Variants in PPP6R1 observed in about 807,000 individuals in gnomAD.
PPP6R1 encodes serine/threonine-protein phosphatase 6 regulatory subunit 1.
PPP6R1 carries 39 observed loss-of-function variants against 104.6 expected under a neutral mutation model. The ratio of observed to expected loss-of-function variants is 0.37; its 90% CI spans 0.29 to 0.49. The LOEUF is 0.49. PPP6R1 is among the 20% of genes least tolerant of loss of function. PPP6R1 has a pLI of 0.98. For missense variants in PPP6R1, 1,181 were observed against 1,155.8 expected (o/e 1.02, Z -0.32); for synonymous variants, 549 against 479.0 (o/e 1.15, Z -1.91).
intron 1 of PPP6R1, among the ~76,000 whole-genome samples, chr19:55,257,738 T>C (rs375567724): frequency 1.3e-3 from 195 of 152,324 alleles, no homozygotes; most frequent in African/African-American, 4.5e-3. Context: ...ATTGTGACTG[T>C]CCGGCTCTGC....
chr19:55,258,401 G>GGA, intron 1 of PPP6R1, 34 bp downstream of exon 1: 1 of 152,026 alleles, frequency 6.6e-6, no homozygotes. Context: ...GCCTGGCCCT[G>GGA]GAGAGAGAGG....
At chr19:55,256,109 C>T (rs916874519) in intron 1 of PPP6R1, among the ~76,000 whole-genome samples, 2 of 152,234 alleles carry the variant, frequency 1.3e-5, no homozygotes, top group Admixed American at 6.5e-5. Context: ...GGGGACCAGA[C>T]AAGCAGGTTC....
At chr19:55,239,545 A>T in intron 14 of PPP6R1, 43 bp from the exon 15 acceptor site, 1 of 1,609,234 alleles carries the variant, frequency 6.2e-7, no homozygotes, top group Admixed American at 1.7e-5. Flanking sequence ...GTTGGGCAGG[A>T]CCCCACTCCA....
rs903451493 is a variant in PPP6R1, at chr19:55,241,817, G to C, written c.846-178C>G. ...CCTGGCTGGGGTGGGGAGCCCGCCA[G>C]GCGGCAGCATTGGCAGTCCACTGTG... On this transcript the variant is annotated intron_variant, in intron 7 of 23. Coordinates refer to ENST00000412770, the MANE Select transcript of PPP6R1 (RefSeq NM_014931.4). This position sits in a 1 kb window ranked among gnomAD's most constrained non-coding sequence, Gnocchi z 5.4. Among the ~76,000 whole-genome samples the C allele has an allele frequency of 2.6e-5, 4 of 152,220 alleles. No homozygotes were observed. Among genetic ancestry groups the C allele is most frequent in the Non-Finnish European group, 4.4e-5 (3 of 68,036 alleles).
intron 5 of PPP6R1, among the ~76,000 whole-genome samples, chr19:55,244,057 T>A (rs757731759): frequency 1.3e-5 from 2 of 152,144 alleles, no homozygotes; most frequent in Non-Finnish European, 2.9e-5. Flanking sequence ...AATTTACATC[T>A]CAGTAAAGCT....
At chr19:55,243,562 G>A (rs927234004) in intron 5 of PPP6R1, among the ~76,000 whole-genome samples, 2 of 152,142 alleles carry the variant, frequency 1.3e-5, no homozygotes, top group Non-Finnish European at 1.5e-5. Flanking sequence ...CTGTTCATGA[G>A]GCAGAGGCAG....
Position 55,245,476 on chromosome 19 carries a change from G to A in PPP6R1, c.414+16C>T, listed in dbSNP as rs2087499789. 6.2e-7 allele frequency: 1 copy of A among 1,609,960 alleles called. No individual in the cohort carries two copies. The highest frequency in any genetic ancestry group is 1.3e-5 in the African/African-American group (1 of 74,884). ...CCCCTCAACCCACGGTGGCGCCAGGGTGGGGGCCAGGGCACCTGGTCTGTC... is the reference window on the plus strand; with the variant it reads ...CCCCTCAACCCACGGTGGCGCCAGGATGGGGGCCAGGGCACCTGGTCTGTC... On this transcript the variant is annotated intron_variant, in intron 3 of 23. Coordinates refer to ENST00000412770, the MANE Select transcript of PPP6R1 (RefSeq NM_014931.4). The surrounding 1 kb of genome is among the most constrained non-coding windows in gnomAD (Gnocchi z 6.4).
Position 55,245,795 on chromosome 19 carries a change from C to T in PPP6R1, c.228-117G>A, listed in dbSNP as rs1460045519. Reference sequence around the variant, plus strand: ...GGGTTTCTGGGAACTGCAGAGACCCCTGTCCAGGAAGGGGAAAGGGCAGAG... The same window carrying T: ...GGGTTTCTGGGAACTGCAGAGACCCTTGTCCAGGAAGGGGAAAGGGCAGAG... On this transcript the variant is annotated intron_variant, in intron 2 of 23. Transcript: ENST00000412770. This position sits in a 1 kb window ranked among gnomAD's most constrained non-coding sequence, Gnocchi z 6.4. 13 of 859,870 alleles carry T rather than the reference C, an allele frequency of 1.5e-5. No homozygotes were observed. Among genetic ancestry groups the T allele is most frequent in the Non-Finnish European group, 2.3e-5 (13 of 560,194 alleles). The allele number at this position is 859,870 out of a possible 1,614,324, so 53.3% of individuals were successfully genotyped here.
intron 17 of PPP6R1, 106 bp downstream of exon 17, chr19:55,236,537 C>T: frequency 3.1e-6 from 4 of 1,278,200 alleles, no homozygotes; most frequent in Non-Finnish European, 4.2e-6. Flanking sequence ...ATGCAGGTTC[C>T]TTATTTTCTT....
chr19:55,231,650 G>T lies in PPP6R1; in HGVS notation c.2325C>A (p.Pro775=). The T allele has an allele frequency of 6.2e-7, 1 of 1,610,006 alleles. No individual in the cohort carries two copies. Among genetic ancestry groups the T allele is most frequent in the Non-Finnish European group, 8.5e-7 (1 of 1,178,016 alleles). ...CTGTGGCTTCCTGAGGTGCTGAGGG[G>T]GGTGTGGGGTCCTGAGACCTGGTAG... is the stretch of plus-strand genomic sequence containing the variant. The part of the protein sequence containing the change: ...ALQLRSQDPT[P]PSAPQEATEG... Residue 775 remains proline (P), a synonymous_variant, in exon 20 of 24, where the codon CCC becomes CCA. Coordinates refer to ENST00000412770, the MANE Select transcript of PPP6R1 (RefSeq NM_014931.4).
intron 10 of PPP6R1, 106 bp from the exon 11 acceptor site, chr19:55,240,406 C>T: frequency 8.8e-7 from 1 of 1,132,674 alleles, no homozygotes; most frequent in South Asian, 1.4e-5. Flanking sequence ...TCACCAGGCC[C>T]CCGCTCATCC....
intron 17 of PPP6R1, chr19:55,233,331 C>CCCA (rs1173959029): frequency 1.3e-5 from 2 of 152,068 alleles, no homozygotes; most frequent in African/African-American, 4.8e-5. Context: ...TCTACAAAAC[C>CCCA]CCACAACTAA....
chr19:55,255,471 C>A (rs1953322491), intron 1 of PPP6R1, among the ~76,000 whole-genome samples: 1 of 152,170 alleles, frequency 6.6e-6, no homozygotes, highest in Non-Finnish European at 1.5e-5. Flanking sequence ...CCACCGAGCC[C>A]CAGTTTCCTT....
chr19:55,245,681 G>A lies in PPP6R1; in HGVS notation c.228-3C>T. ...TCTCGCAGGCCACACTGGGGTACCTGGGAGGCAAGCACAGGCGGGTGGGGG... is the reference window on the plus strand; with the variant it reads ...TCTCGCAGGCCACACTGGGGTACCTAGGAGGCAAGCACAGGCGGGTGGGGG... On this transcript the variant is annotated splice_polypyrimidine_tract_variant and splice_region_variant and intron_variant, in intron 2 of 23. Transcript: ENST00000412770. This position sits in a 1 kb window ranked among gnomAD's most constrained non-coding sequence, Gnocchi z 6.4. 6.2e-7 allele frequency: 1 copy of A among 1,604,204 alleles called. No individual in the cohort carries two copies. The highest frequency in any genetic ancestry group is 8.5e-7 in the Non-Finnish European group (1 of 1,178,334).
chr19:55,258,366 G>C (rs991219254), intron 1 of PPP6R1, 69 bp downstream of exon 1: 1 of 152,220 alleles, frequency 6.6e-6, no homozygotes, highest in African/African-American at 2.4e-5. Flanking sequence ...AGCCTGAGGG[G>C]ACGCGGAGAG....
intron 1 of PPP6R1, among the ~76,000 whole-genome samples, chr19:55,256,747 G>A (rs1226659710): frequency 1.3e-5 from 2 of 152,240 alleles, no homozygotes; most frequent in East Asian, 3.8e-4. Context: ...TAGCTACTTA[G>A]GAGGCTAAGG....
rs369184490 is a variant in PPP6R1, at chr19:55,246,912, C to T, written c.192G>A (p.Glu64=). ...LQAMVAWVTQ[E]PPDSGEERLR... is the part of the protein sequence containing the mutation. ...GCCGCTCCTCACCGCTATCTGGCGGCTCCTGGGTGACCCAGGCCACCATTG... is the reference window on the plus strand; with the variant it reads ...GCCGCTCCTCACCGCTATCTGGCGGTTCCTGGGTGACCCAGGCCACCATTG... Residue 64 remains glutamate, a synonymous_variant, in exon 2 of 24, where the codon GAG becomes GAA. Coordinates refer to ENST00000412770, the MANE Select transcript of PPP6R1 (RefSeq NM_014931.4). 6.2e-7 allele frequency: 1 copy of T among 1,612,830 alleles called. No homozygotes were observed. The highest frequency in any genetic ancestry group is 1.3e-5 in the African/African-American group (1 of 75,040).
chr19:55,230,957 C>A (rs771628073), intron 21 of PPP6R1, 73 bp from the exon 22 acceptor site: 1 of 1,284,082 alleles, frequency 7.8e-7, no homozygotes, highest in Non-Finnish European at 1.1e-6. Flanking sequence ...ACATCCCACC[C>A]GACTGAAGTC....
At chr19:55,233,216 G>A (rs935612106) in intron 17 of PPP6R1, 1 of 152,156 alleles carries the variant, frequency 6.6e-6, no homozygotes, top group Non-Finnish European at 1.5e-5. Flanking sequence ...CAGAGTAACT[G>A]ACTACTTTAA....
Sources: allele counts gnomAD v4.1 joint callset (sites outside exome capture counted in the v4.1 genomes callset), GRCh38; gene constraint gnomAD v4.1.1; non-coding constraint Gnocchi (gnomAD v3.1); transcripts MANE v1.5; gene names NCBI Gene and HGNC (gene_info 2026-07-23, HGNC 2026-07-21).